The following FNDC3B variants were observed in gnomAD, a reference collection of about 807,000 sequenced individuals.
FNDC3B encodes fibronectin type III domain-containing protein 3B.
A neutral mutation model predicts 151.5 loss-of-function variants in FNDC3B; 12 were observed. The ratio of observed to expected loss-of-function variants is 0.08; its 90% CI spans 0.05 to 0.13. The LOEUF (loss-of-function observed/expected upper bound fraction) is 0.13. Among genes scored for constraint, FNDC3B ranks in the 10% least tolerant of loss-of-function variants. FNDC3B has a pLI of 1.00. For missense variants in FNDC3B, 1,214 were observed against 1,505.3 expected (o/e 0.81, Z 3.20); for synonymous variants, 528 against 549.0 (o/e 0.96, Z 0.54).
At chr3:172,120,711 C>T (rs944540017) in intron 2 of FNDC3B, among the ~76,000 whole-genome samples, 8 of 151,992 alleles carry the variant, frequency 5.3e-5, no homozygotes, top group Non-Finnish European at 1.0e-4. Flanking sequence ...AGAAGACATA[C>T]GCCTGTAATC....
At chr3:172,316,560 T>C (rs4894416) in intron 11 of FNDC3B, 44,492 of 379,700 alleles carry the variant, frequency 0.12, 3,645 homozygotes, top group East Asian at 0.31. Flanking sequence ...AAATAAGAAC[T>C]TTTTATTTTA....
At chr3:172,241,168 T>G (rs1727471076) in intron 4 of FNDC3B, among the ~76,000 whole-genome samples, 2 of 152,294 alleles carry the variant, frequency 1.3e-5, no homozygotes, top group South Asian at 4.1e-4. Context: ...TTGTTTTAAA[T>G]CAGGCAAGGC....
intron 4 of FNDC3B, among the ~76,000 whole-genome samples, chr3:172,228,233 A>G (rs564484421): frequency 2.4e-4 from 37 of 152,314 alleles, no homozygotes; most frequent in African/African-American, 7.7e-4. Flanking sequence ...CTCTTCCAGC[A>G]GGGACACCAG....
At chr3:172,306,854 A>C (rs1196482869) in intron 9 of FNDC3B, 1 of 152,750 alleles carries the variant, frequency 6.5e-6, no homozygotes, top group African/African-American at 2.4e-5. Flanking sequence ...CTTCTCTGTG[A>C]AACATCCCTA....
At chr3:172,173,885 G>T (rs1425106745) in intron 3 of FNDC3B, among the ~76,000 whole-genome samples, 1 of 152,124 alleles carries the variant, frequency 6.6e-6, no homozygotes, top group African/African-American at 2.4e-5. Context: ...TTTTGCTGTT[G>T]CAGGAGTACT....
At chr3:172,192,224 G>A (rs1724554544) in intron 3 of FNDC3B, among the ~76,000 whole-genome samples, 1 of 149,318 alleles carries the variant, frequency 6.7e-6, no homozygotes, top group Non-Finnish European at 1.5e-5. Context: ...CCAGGCTGGA[G>A]TGCAGTGGCG....
At chr3:172,209,027 C>T (rs2108706861) in intron 3 of FNDC3B, among the ~76,000 whole-genome samples, 1 of 152,110 alleles carries the variant, frequency 6.6e-6, no homozygotes, top group South Asian at 2.1e-4. Flanking sequence ...GAGGGTGTTA[C>T]AGCGTGTCAC....
chr3:172,397,244 T>C lies in FNDC3B; in HGVS notation c.3384T>C (p.Cys1128=). 6.2e-7 allele frequency: 1 copy of C among 1,614,218 alleles called. No homozygotes were observed. The highest frequency in any genetic ancestry group is 8.5e-7 in the Non-Finnish European group (1 of 1,180,032). Residue 1128 remains cysteine (C), a synonymous_variant, in exon 26 of 26, where the codon TGT becomes TGC. Transcript: ENST00000415807. ...NTDYRFRVCA[C]RRCLDTSQEL... ...ACTACAGGTTCCGCGTATGTGCGTG[T>C]CGTCGCTGTTTAGACACCTCTCAGG... is the stretch of plus-strand genomic sequence containing the variant.
chr3:172,314,360 A>AGAGTGAG (rs1731673496), intron 11 of FNDC3B, among the ~76,000 whole-genome samples: 1 of 152,196 alleles, frequency 6.6e-6, no homozygotes, highest in South Asian at 2.1e-4. Flanking sequence ...TCACTGCCTG[A>AGAGTGAG]GAGTGAGACA....
intron 3 of FNDC3B, among the ~76,000 whole-genome samples, chr3:172,176,409 C>T (rs2108644390): frequency 6.6e-6 from 1 of 152,304 alleles, no homozygotes; most frequent in East Asian, 1.9e-4. Flanking sequence ...GATAGTTAAC[C>T]TTCCATGGAC....
chr3:172,174,933 A>T (rs6802518), intron 3 of FNDC3B, among the ~76,000 whole-genome samples: 2 of 18,258 alleles, frequency 1.1e-4, no homozygotes, highest in Admixed American at 5.7e-4. Flanking sequence ...TCCCCCCGCC[A>T]CCCCCCCCCC....
intron 5 of FNDC3B, among the ~76,000 whole-genome samples, chr3:172,250,451 T>G (rs1728006728): frequency 6.6e-6 from 1 of 152,258 alleles, no homozygotes; most frequent in Non-Finnish European, 1.5e-5. Context: ...ATGTTGGCTC[T>G]TTTGTATGCC....
intron 8 of FNDC3B, 139 bp from the exon 9 acceptor site, chr3:172,298,587 GAA>G: frequency 2.0e-6 from 1 of 501,916 alleles, no homozygotes; most frequent in Non-Finnish European, 3.6e-6. Context: ...TATCAAATAA[GAA>G]AGTTTATTTC....
At chr3:172,152,892 G>A (rs145148143) in intron 3 of FNDC3B, among the ~76,000 whole-genome samples, 2 of 152,198 alleles carry the variant, frequency 1.3e-5, no homozygotes, top group East Asian at 3.9e-4. Context: ...TTGTCTCTTT[G>A]CACAGAACAA....
intron 3 of FNDC3B, among the ~76,000 whole-genome samples, chr3:172,175,911 A>G (rs1024350282): frequency 6.6e-6 from 1 of 152,212 alleles, no homozygotes; most frequent in African/African-American, 2.4e-5. Flanking sequence ...TGTAACAAAC[A>G]GTTTTATCTA....
chr3:172,227,088 C>T (rs895973385), intron 4 of FNDC3B, 141 bp downstream of exon 4: 1 of 611,934 alleles, frequency 1.6e-6, no homozygotes, highest in Non-Finnish European at 3.0e-6. Context: ...TGTGGCACCA[C>T]ATGGCGTTTC....
intron 4 of FNDC3B, among the ~76,000 whole-genome samples, chr3:172,245,780 ATATT>A (rs1560037349): frequency 6.6e-6 from 1 of 152,220 alleles, no homozygotes; most frequent in African/African-American, 2.4e-5. Context: ...AGAAGAGATT[ATATT>A]TATTAAAGAT....
At chr3:172,326,828 C>G (rs903368718) in intron 11 of FNDC3B, among the ~76,000 whole-genome samples, 9 of 151,752 alleles carry the variant, frequency 5.9e-5, no homozygotes, top group Non-Finnish European at 1.2e-4. Flanking sequence ...TTACTGGCTA[C>G]AGTTCTAAGC....
intron 6 of FNDC3B, among the ~76,000 whole-genome samples, chr3:172,263,360 A>G (rs1305189964): frequency 1.3e-5 from 2 of 152,064 alleles, no homozygotes; most frequent in Non-Finnish European, 2.9e-5. Flanking sequence ...GGATGGAGAA[A>G]CTGCCATATT....
Sources: allele counts gnomAD v4.1 joint callset (sites outside exome capture counted in the v4.1 genomes callset), GRCh38; gene constraint gnomAD v4.1.1; transcripts MANE v1.5; gene names NCBI Gene and HGNC (gene_info 2026-07-23, HGNC 2026-07-21).